The following DPP10 variants were observed in gnomAD, a reference collection of about 807,000 sequenced individuals.
The protein encoded by DPP10 is dipeptidyl peptidase like 10.
Under a neutral mutation model 120.9 loss-of-function variants are expected in DPP10, and 33 were observed. The observed-to-expected ratio is 0.27, with a 90% CI of 0.21 to 0.37. The LOEUF is 0.37. Among genes scored for constraint, DPP10 ranks in the 10% least tolerant of loss-of-function variants. DPP10 has a pLI of 1.00. For missense variants in DPP10, 816 were observed against 942.8 expected (o/e 0.87, Z 1.76); for synonymous variants, 337 against 326.1 (o/e 1.03, Z -0.36).
chr2:115,370,517 A>G (rs1042501385), intron 3 of DPP10, among the ~76,000 whole-genome samples: 12 of 152,114 alleles, frequency 7.9e-5, no homozygotes, highest in Admixed American at 3.3e-4. Context: ...ACTGGTCTCA[A>G]TTCTACTCTT....
intron 1 of DPP10, among the ~76,000 whole-genome samples, chr2:115,173,932 C>T (rs892976950): frequency 6.6e-6 from 1 of 152,080 alleles, no homozygotes. Context: ...TTCCTCCCAC[C>T]TAGGTTAAGA....
chr2:115,199,262 T>A (rs1487274065), intron 1 of DPP10, among the ~76,000 whole-genome samples: 3 of 151,066 alleles, frequency 2.0e-5, no homozygotes, highest in Non-Finnish European at 2.9e-5. Context: ...TTACAGTAAC[T>A]TTATTTATTT....
At chr2:115,664,641 C>T (rs1250593090) in intron 5 of DPP10, among the ~76,000 whole-genome samples, 1 of 152,132 alleles carries the variant, frequency 6.6e-6, no homozygotes, top group Non-Finnish European at 1.5e-5. Flanking sequence ...AAAGGAAAGA[C>T]AGTTGGTATT....
chr2:115,259,297 C>A (rs916008977), intron 1 of DPP10, among the ~76,000 whole-genome samples: 7 of 152,084 alleles, frequency 4.6e-5, no homozygotes, highest in Non-Finnish European at 8.8e-5. Flanking sequence ...CCCTGACCAA[C>A]ATGGAGAAAC....
chr2:115,498,450 A>C (rs1045482907), intron 3 of DPP10, among the ~76,000 whole-genome samples: 1 of 152,060 alleles, frequency 6.6e-6, no homozygotes, highest in East Asian at 1.9e-4. Context: ...TTGTTTTATA[A>C]CTTTGCAAGT....
chr2:115,330,338 T>A (rs548726175), intron 2 of DPP10, among the ~76,000 whole-genome samples: 74 of 152,192 alleles, frequency 4.9e-4, no homozygotes, highest in African/African-American at 1.7e-3. Flanking sequence ...ATATTAGCCC[T>A]TTGTCAGATG....
chr2:114,805,988 G>A (rs1159696923), intron 1 of DPP10, among the ~76,000 whole-genome samples: 1 of 152,142 alleles, frequency 6.6e-6, no homozygotes, highest in East Asian at 1.9e-4. Context: ...AAACCTGGCT[G>A]AGTGAGAACC....
chr2:114,741,724 A>C (rs550065953), intron 1 of DPP10, among the ~76,000 whole-genome samples: 14 of 152,308 alleles, frequency 9.2e-5, no homozygotes, highest in Admixed American at 7.2e-4. Flanking sequence ...CCACGTGAAC[A>C]TAGAAACACA....
intron 1 of DPP10, among the ~76,000 whole-genome samples, chr2:114,800,667 T>A (rs1308770653): frequency 6.6e-6 from 1 of 152,200 alleles, no homozygotes; most frequent in Admixed American, 6.5e-5. Context: ...CTGATCAGAT[T>A]TTATCCTCAT....
intron 1 of DPP10, among the ~76,000 whole-genome samples, chr2:114,817,905 T>C (rs1306912793): frequency 1.3e-5 from 2 of 152,188 alleles, no homozygotes; most frequent in Admixed American, 6.5e-5. Context: ...TACTTAAGGA[T>C]GTAGGCTAGA....
intron 7 of DPP10, among the ~76,000 whole-genome samples, chr2:115,691,586 A>T (rs2091317727): frequency 6.6e-6 from 1 of 152,100 alleles, no homozygotes; most frequent in African/African-American, 2.4e-5. Context: ...TGCTAAGACA[A>T]CAGTATCTTA....
chr2:115,103,145 G>C (rs1288278141), intron 1 of DPP10, among the ~76,000 whole-genome samples: 3 of 148,998 alleles, frequency 2.0e-5, no homozygotes, highest in Non-Finnish European at 4.5e-5. Flanking sequence ...GGGGTTTTCA[G>C]TTGGGTTATT....
intron 1 of DPP10, among the ~76,000 whole-genome samples, chr2:114,860,313 A>C (rs1241615321): frequency 6.6e-6 from 1 of 152,214 alleles, no homozygotes; most frequent in East Asian, 1.9e-4. Flanking sequence ...CACATATTGC[A>C]CCAGAAGCTA....
In DPP10 at chr2:114,474,209, G is replaced by T. The variant is rs527237528; in HGVS notation, c.60+31371G>T. 3.3e-5 allele frequency among the ~76,000 whole-genome samples: 5 copies of T among 152,250 alleles called. No homozygotes were observed. In the South Asian group the frequency reaches 1.0e-3, roughly 32 times the overall value. ...CTTACCTAGTGATCCACCCGCCTTG[G>T]CCTCCCAAAGTGCTGGGACTGTAGG... is the stretch of plus-strand genomic sequence containing the variant. On this transcript the variant is annotated intron_variant, in intron 1 of 25. Coordinates refer to ENST00000410059, the MANE Select transcript of DPP10 (RefSeq NM_020868.6).
intron 5 of DPP10, among the ~76,000 whole-genome samples, chr2:115,610,351 G>A (rs1036183448): frequency 6.6e-6 from 1 of 152,094 alleles, no homozygotes; most frequent in African/African-American, 2.4e-5. Flanking sequence ...GAGGGTACAA[G>A]TTGTTATATT....
At chr2:114,573,771 G>A (rs1397163800) in intron 1 of DPP10, among the ~76,000 whole-genome samples, 1 of 152,184 alleles carries the variant, frequency 6.6e-6, no homozygotes, top group African/African-American at 2.4e-5. Flanking sequence ...TTGACTAACT[G>A]ATTGATAGGA....
intron 2 of DPP10, among the ~76,000 whole-genome samples, chr2:115,320,493 G>A (rs545158362): frequency 2.3e-4 from 35 of 149,906 alleles, no homozygotes; most frequent in Admixed American, 1.5e-3. Flanking sequence ...ATTTCCTCTC[G>A]AATTTTTTTT....
At chr2:114,936,541 T>C (rs1007753520) in intron 1 of DPP10, among the ~76,000 whole-genome samples, 2 of 152,098 alleles carry the variant, frequency 1.3e-5, no homozygotes, top group Admixed American at 1.3e-4. Flanking sequence ...CAAATTGTGT[T>C]GCTATAAACA....
At chr2:114,802,521 G>GA (rs60409857) in intron 1 of DPP10, among the ~76,000 whole-genome samples, 97,969 of 151,938 alleles carry the variant, frequency 0.64, 31,651 homozygotes, top group East Asian at 0.78. Context: ...ATAACCCACA[G>GA]ACATTTAGAA....
Sources: allele counts gnomAD v4.1 joint callset (sites outside exome capture counted in the v4.1 genomes callset), GRCh38; gene constraint gnomAD v4.1.1; transcripts MANE v1.5; gene names NCBI Gene and HGNC (gene_info 2026-07-23, HGNC 2026-07-21).